The following AUTS2 variants were observed in gnomAD, a reference collection of about 807,000 sequenced individuals.
The protein encoded by AUTS2 is autism susceptibility gene 2 protein.
A neutral mutation model predicts 112.4 loss-of-function variants in AUTS2; 17 were observed. That is an observed-to-expected ratio of 0.15 (90% CI 0.10 to 0.23). AUTS2 has a LOEUF of 0.23. Among genes scored for constraint, AUTS2 ranks in the 10% least tolerant of loss-of-function variants. AUTS2 has a pLI of 1.00. For missense variants in AUTS2, 1,510 were observed against 1,701.6 expected (o/e 0.89, Z 1.98); for synonymous variants, 751 against 702.7 (o/e 1.07, Z -1.09).
chr7:70,130,392 T>C (rs578201531), intron 3 of AUTS2, among the ~76,000 whole-genome samples: 11 of 152,162 alleles, frequency 7.2e-5, no homozygotes, highest in Non-Finnish European at 1.5e-4. Flanking sequence ...TTCATGAGTT[T>C]AATGAGTAGC....
At chr7:70,223,805 A>C (rs1468024703) in intron 4 of AUTS2, among the ~76,000 whole-genome samples, 2 of 148,764 alleles carry the variant, frequency 1.3e-5, no homozygotes, top group African/African-American at 5.0e-5. Flanking sequence ...GTTATTGATG[A>C]TCCTGTTCCT....
intron 6 of AUTS2, among the ~76,000 whole-genome samples, chr7:70,731,200 T>G (rs1787362844): frequency 6.6e-6 from 1 of 152,158 alleles, no homozygotes; most frequent in Non-Finnish European, 1.5e-5. Flanking sequence ...AGTTTTCTTT[T>G]CACTTTCTTG....
At chr7:69,631,222 G>A (rs1794224089) in intron 1 of AUTS2, among the ~76,000 whole-genome samples, 1 of 151,978 alleles carries the variant, frequency 6.6e-6, no homozygotes, top group South Asian at 2.1e-4. Context: ...CAAGGGGTCA[G>A]TGACCCATAA....
intron 4 of AUTS2, among the ~76,000 whole-genome samples, chr7:70,410,832 AATT>A (rs1173094469): frequency 7.3e-5 from 11 of 150,364 alleles, no homozygotes; most frequent in South Asian, 2.1e-4. Context: ...TAAGGAAATA[AATT>A]ATTATTATTA....
intron 5 of AUTS2, among the ~76,000 whole-genome samples, chr7:70,553,065 G>C (rs1259820232): frequency 6.6e-6 from 1 of 152,196 alleles, no homozygotes; most frequent in Non-Finnish European, 1.5e-5. Flanking sequence ...CTAGACCCCA[G>C]CTTACTCCTC....
At chr7:70,360,190 C>T (rs186403979) in intron 4 of AUTS2, among the ~76,000 whole-genome samples, 63 of 152,202 alleles carry the variant, frequency 4.1e-4, no homozygotes, top group African/African-American at 1.4e-3. Flanking sequence ...TGCAGTGGTG[C>T]GATCATAGCT....
At chr7:70,613,105 A>G (rs1368082684) in intron 5 of AUTS2, among the ~76,000 whole-genome samples, 3 of 152,066 alleles carry the variant, frequency 2.0e-5, no homozygotes, top group African/African-American at 7.2e-5. Flanking sequence ...GTTCTTTCCT[A>G]TCATTAGCGG....
In AUTS2 at chr7:70,612,807, C is replaced by A. The variant is rs115709724; in HGVS notation, c.691-85762C>A. Among the ~76,000 whole-genome samples the A allele has an allele frequency of 6.0e-3, 911 of 151,154 alleles. 11 individuals carry two copies. Among genetic ancestry groups the A allele is most frequent in the African/African-American group, 0.021 (860 of 41,200 alleles). ...TCTTTTCTACATTTTTTTTTTAAAT[C>A]AGAAGGTATATCCCCAAGAACAGGA... On this transcript the variant is annotated intron_variant, in intron 5 of 18. Coordinates refer to ENST00000342771, the MANE Select transcript of AUTS2 (RefSeq NM_015570.4).
chr7:70,789,956 G>A lies in AUTS2; in HGVS notation c.2740G>A (p.Gly914Ser), dbSNP rs1791781068. The A allele has an allele frequency of 1.2e-6, 2 of 1,613,638 alleles. No homozygotes were observed. Among genetic ancestry groups the A allele is most frequent in the Admixed American group, 1.7e-5 (1 of 59,992 alleles). Residue 914 changes from glycine (G) to serine (S), a missense_variant, in exon 19 of 19, where the codon GGC becomes AGC. By Grantham distance (56) the Gly-to-Ser change is moderately conservative. This residue lies in a region of AUTS2 where 788 missense variants were observed against 797.6 expected (regional missense o/e 0.99). Coordinates refer to ENST00000342771, the MANE Select transcript of AUTS2 (RefSeq NM_015570.4). Reference sequence around the variant, plus strand: ...CGCCGACGAGCACAAGGCGAAAGAGGGCCACCTGCCCGAGAAGGACGGGCA... The same window carrying A: ...CGCCGACGAGCACAAGGCGAAAGAGAGCCACCTGCCCGAGAAGGACGGGCA... Reference protein sequence around the residue: ...LAADEHKAKEGHLPEKDGHGH... With the variant: ...LAADEHKAKESHLPEKDGHGH...
At chr7:70,044,774 G>C (rs1459719521) in intron 2 of AUTS2, among the ~76,000 whole-genome samples, 1 of 152,078 alleles carries the variant, frequency 6.6e-6, no homozygotes, top group Non-Finnish European at 1.5e-5. Flanking sequence ...GGAAATTTTG[G>C]GTGATTTAGA....
At chr7:70,334,171 T>C (rs1294602361) in intron 4 of AUTS2, among the ~76,000 whole-genome samples, 3 of 152,174 alleles carry the variant, frequency 2.0e-5, no homozygotes, top group Non-Finnish European at 4.4e-5. Flanking sequence ...TTGTTCATGA[T>C]CTTAGGAAGA....
intron 1 of AUTS2, among the ~76,000 whole-genome samples, chr7:69,875,649 G>A (rs1167457376): frequency 1.3e-5 from 2 of 152,096 alleles, no homozygotes; most frequent in African/African-American, 4.8e-5. Flanking sequence ...AAATGTTGGC[G>A]ACTATAGATT....
chr7:70,203,352 A>AT (rs1161900324), intron 4 of AUTS2, among the ~76,000 whole-genome samples: 2 of 147,810 alleles, frequency 1.4e-5, no homozygotes, highest in Non-Finnish European at 3.0e-5. Context: ...AATAAAAAAA[A>AT]AAAAAAAAAA....
intron 2 of AUTS2, among the ~76,000 whole-genome samples, chr7:70,070,985 TA>T (rs896996716): frequency 7.2e-5 from 11 of 152,086 alleles, no homozygotes; most frequent in Non-Finnish European, 1.0e-4. Flanking sequence ...TGTGAAGTCT[TA>T]AAAAAAATTT....
At chr7:70,086,021 A>T (rs966749095) in intron 2 of AUTS2, among the ~76,000 whole-genome samples, 2 of 152,208 alleles carry the variant, frequency 1.3e-5, no homozygotes, top group Non-Finnish European at 2.9e-5. Flanking sequence ...AAAATTTCTA[A>T]ACTTGACCTA....
chr7:69,914,356 G>GACAC (rs66527808), intron 2 of AUTS2, among the ~76,000 whole-genome samples: 12,425 of 135,936 alleles, frequency 0.091, 615 homozygotes, highest in Admixed American at 0.14. Flanking sequence ...CACACACACA[G>GACAC]ACACACACAC....
chr7:70,461,776 T>C (rs1265179954), intron 5 of AUTS2, among the ~76,000 whole-genome samples: 2 of 151,346 alleles, frequency 1.3e-5, no homozygotes, highest in Non-Finnish European at 2.9e-5. Context: ...AGGTGAGGAG[T>C]TGCCTGTCAT....
At chr7:69,605,435 T>C (rs988925710) in intron 1 of AUTS2, among the ~76,000 whole-genome samples, 15 of 152,080 alleles carry the variant, frequency 9.9e-5, no homozygotes, top group African/African-American at 3.4e-4. Context: ...TATTGGTGAG[T>C]GGTTCTCATT....
chr7:69,603,267 A>G (rs1025319466), intron 1 of AUTS2, among the ~76,000 whole-genome samples: 2 of 152,194 alleles, frequency 1.3e-5, no homozygotes, highest in South Asian at 4.1e-4. Flanking sequence ...TTGTGTGTTA[A>G]TGGACACATT....
Sources: allele counts gnomAD v4.1 joint callset (sites outside exome capture counted in the v4.1 genomes callset), GRCh38; gene constraint gnomAD v4.1.1; regional missense constraint gnomAD v4.1.1; transcripts MANE v1.5; gene names NCBI Gene and HGNC (gene_info 2026-07-23, HGNC 2026-07-21).